Variants in EVC observed in about 807,000 individuals in gnomAD.
EVC encodes evC complex member EVC.
EVC carries 116 observed loss-of-function variants against 118.9 expected under a neutral mutation model. The ratio of observed to expected loss-of-function variants is 0.98; its 90% confidence interval spans 0.84 to 1.14. The LOEUF (loss-of-function observed/expected upper bound fraction) is 1.14. Among genes scored for constraint, EVC ranks in the 50% most tolerant of loss-of-function variants. The pLI is 0.00. For synonymous variants in EVC, 619 were observed against 534.7 expected, an observed-to-expected ratio of 1.16 and a Z score of -2.18; for missense variants, 1,401 against 1,246.4, an observed-to-expected ratio of 1.12 and a Z score of -1.87.
chr4:5,819,598 G>C, the EVC span, among the ~76,000 whole-genome samples: 38 of 152,350 alleles, frequency 2.5e-4, no homozygotes, highest in Admixed American at 4.6e-4. Flanking sequence ...GTCAGAGTCT[G>C]TCTTAGAGAA....
intron 11 of EVC, among the ~76,000 whole-genome samples, chr4:5,780,815 T>C (rs1735492747): frequency 6.6e-6 from 1 of 152,158 alleles, no homozygotes; most frequent in Non-Finnish European, 1.5e-5. Flanking sequence ...TACCCATGGC[T>C]AAGAGTTACT....
chr4:5,810,827 G>A, intron 20 of EVC, 126 bp from the exon 21 acceptor site: 1 of 920,694 alleles, frequency 1.1e-6, no homozygotes, highest in Non-Finnish European at 1.7e-6. Context: ...AACAACCCAT[G>A]TCAAAGTAAA....
Position 5,783,846 on chromosome 4 carries a change from C to T in EVC, c.1776+82C>T, listed in dbSNP as rs567776698. On this transcript the variant is annotated intron_variant, in intron 12 of 20. Transcript: ENST00000264956. The stretch of plus-strand genomic sequence containing the variant: ...AGCGTGAGAGATCTCACGTCCTGAA[C>T]ACCCACTAGTGCCTATTGTAGGTGC... The T allele has an allele frequency of 3.7e-5, 48 of 1,293,322 alleles. 1 individual carries two copies. The South Asian group carries it at 5.8e-4, about 16-fold the overall frequency. 80.1% of individuals were successfully genotyped at this position (1,293,322 alleles called of 1,614,324 possible). A position where few individuals can be genotyped will look rare whatever the true frequency, so the allele number is the denominator to read the frequency against.
In EVC at chr4:5,756,424, C is replaced by G; in HGVS notation, c.1563+62C>G. The G allele has an allele frequency of 7.0e-7, 1 of 1,419,138 alleles. No homozygotes were observed. Among genetic ancestry groups the G allele is most frequent in the Non-Finnish European group, 9.8e-7 (1 of 1,023,716 alleles). 87.9% of individuals were successfully genotyped at this position (1,419,138 alleles called of 1,614,324 possible). A position where few individuals can be genotyped will look rare whatever the true frequency, so the allele number is the denominator to read the frequency against. On this transcript the variant is annotated intron_variant, in intron 11 of 20. Transcript: ENST00000264956. This position sits in a 1 kb window ranked among gnomAD's most constrained non-coding sequence, Gnocchi z 4.2. The stretch of plus-strand genomic sequence containing the variant: ...AGGGTCTGTGTGTGTGCGAGAACCT[C>G]ACATCCTCCTGGCTGGGGACCCCAG...
At chr4:5,821,472 G>GA in the EVC span, 4 of 442,676 alleles carry the variant, frequency 9.0e-6, no homozygotes, top group Middle Eastern at 6.0e-4. The surrounding 1 kb of genome is among the most constrained non-coding windows in gnomAD (Gnocchi z 4.4). Flanking sequence ...AAGTGGAAGG[G>GA]ACAGAACAAG....
chr4:5,826,316 G>A, the EVC span: 1 of 152,910 alleles, frequency 6.5e-6, no homozygotes, highest in Non-Finnish European at 1.5e-5. Context: ...CAAAGATTCG[G>A]GGGGCAGATA....
At chr4:5,766,087 A>C (rs1732820501) in intron 11 of EVC, among the ~76,000 whole-genome samples, 1 of 135,778 alleles carries the variant, frequency 7.4e-6, no homozygotes, top group South Asian at 2.7e-4. Context: ...GAGCTCTTTT[A>C]GGGCAGGCCT....
chr4:5,804,942 C>A, intron 17 of EVC, 101 bp downstream of exon 17: 1 of 1,061,096 alleles, frequency 9.4e-7, no homozygotes, highest in Non-Finnish European at 1.4e-6. Flanking sequence ...CGTGCATTGC[C>A]CGTGGACTTG....
In EVC at chr4:5,793,919, G is replaced by C. The variant is rs41269561; in HGVS notation, c.1886+202G>C. Among the ~76,000 whole-genome samples, 12,937 of 152,062 alleles carry C rather than the reference G, an allele frequency of 0.085. 732 individuals carry two copies. Among genetic ancestry groups the C allele is most frequent in the African/African-American group, 0.16 (6,663 of 41,442 alleles). On this transcript the variant is annotated intron_variant, in intron 13 of 20. Transcript: ENST00000264956. ...TATTTGATAGAGTTGTCTGTCATAGGAACTTTTTTAAACAGCTTTTTTCAG... is the reference window on the plus strand; with the variant it reads ...TATTTGATAGAGTTGTCTGTCATAGCAACTTTTTTAAACAGCTTTTTTCAG...
intron 1 of EVC, among the ~76,000 whole-genome samples, chr4:5,715,499 T>A (rs1723787003): frequency 6.6e-6 from 1 of 152,216 alleles, no homozygotes; most frequent in African/African-American, 2.4e-5. Context: ...TGGGAGTTTC[T>A]CACGTCTCTT....
At chr4:5,752,677 C>A in intron 8 of EVC, 159 bp from the exon 9 acceptor site, 1 of 770,434 alleles carries the variant, frequency 1.3e-6, no homozygotes, top group Non-Finnish European at 2.3e-6. Flanking sequence ...ACGCAGATCT[C>A]GCTCATGAAG....
intron 2 of EVC, among the ~76,000 whole-genome samples, chr4:5,724,196 C>T (rs1725432234): frequency 6.6e-6 from 1 of 152,208 alleles, no homozygotes; most frequent in Non-Finnish European, 1.5e-5. Flanking sequence ...ACGGCAGACC[C>T]TCAATACATG....
At chr4:5,820,592 C>T in the EVC span, among the ~76,000 whole-genome samples, 7 of 152,280 alleles carry the variant, frequency 4.6e-5, no homozygotes, top group Admixed American at 2.6e-4. Context: ...CTCTTCGCCT[C>T]CTTGGGTCTC....
intron 12 of EVC, 188 bp from the exon 13 acceptor site, chr4:5,793,420 T>G (rs1713162586): frequency 1.6e-6 from 1 of 640,342 alleles, no homozygotes; most frequent in Admixed American, 2.8e-5. Flanking sequence ...GCATTTTTCC[T>G]AAATGCAAAT....
the EVC span, chr4:5,820,917 T>C: frequency 6.6e-6 from 1 of 152,228 alleles, no homozygotes; most frequent in Non-Finnish European, 1.5e-5. Context: ...AAAATCTGAC[T>C]GCCCCGTCAA....
intron 1 of EVC, among the ~76,000 whole-genome samples, chr4:5,717,826 C>T (rs1195017899): frequency 6.6e-6 from 1 of 152,256 alleles, no homozygotes; most frequent in Non-Finnish European, 1.5e-5. Flanking sequence ...CCCCCACCCT[C>T]CACTGTTACT....
Position 5,719,431 on chromosome 4 carries a change from C to T in EVC, c.300+58C>T, listed in dbSNP as rs1724572832. ...CACATGTGGGAGGTGGGGTATTCCC[C>T]CTGGAAGCCGGGTGTCATGTAGACA... On this transcript the variant is annotated intron_variant, in intron 2 of 20. Transcript: ENST00000264956. The surrounding 1 kb of genome is among the most constrained non-coding windows in gnomAD (Gnocchi z 4.7). 7.4e-6 allele frequency: 12 copies of T among 1,612,286 alleles called. No individual in the cohort carries two copies. Among genetic ancestry groups the T allele is most frequent in the Non-Finnish European group, 1.0e-5 (12 of 1,179,444 alleles).
rs60582583 is a variant in EVC, at chr4:5,753,789, T to A, written c.1320T>A (p.Phe440Leu). The A allele has an allele frequency of 8.9e-3, 14,326 of 1,614,164 alleles. 158 individuals carry two copies. Among genetic ancestry groups the A allele is most frequent in the East Asian group, 0.049 (2,188 of 44,858 alleles). Residue 440 changes from phenylalanine to leucine, a missense_variant, in exon 10 of 21, where the codon TTT becomes TTA. Physicochemically the swap from Phe to Leu is conservative, Grantham distance 22. Coordinates refer to ENST00000264956, the MANE Select transcript of EVC (RefSeq NM_153717.3). ...WQEAERFSRE[F>L]VQRGKDLVTA... ...TGTGGCTTTTTTCAATCCCAGAGTTTGTCCAGCGAGGCAAAGACCTGGTCA... is the reference window on the plus strand; with the variant it reads ...TGTGGCTTTTTTCAATCCCAGAGTTAGTCCAGCGAGGCAAAGACCTGGTCA...
chr4:5,820,687 G>A, the EVC span: 1 of 152,078 alleles, frequency 6.6e-6, no homozygotes, highest in Non-Finnish European at 1.5e-5. Flanking sequence ...GAGTCCTCAG[G>A]AAGCAGCCAC....
Sources: allele counts gnomAD v4.1 joint callset (sites outside exome capture counted in the v4.1 genomes callset), GRCh38; gene constraint gnomAD v4.1.1; non-coding constraint Gnocchi (gnomAD v3.1); transcripts MANE v1.5; gene names NCBI Gene and HGNC (gene_info 2026-07-23, HGNC 2026-07-21).